The following GIGYF2 variants were observed in gnomAD, a reference collection of about 807,000 sequenced individuals.
GIGYF2 encodes GRB10 interacting GYF protein 2.
A neutral mutation model predicts 208.1 loss-of-function variants in GIGYF2; 25 were observed. The ratio of observed to expected loss-of-function variants is 0.12; its 90% CI spans 0.09 to 0.17. The LOEUF (loss-of-function observed/expected upper bound fraction) is 0.17, where lower values mean the gene tolerates loss of function less well. Ranked by LOEUF, GIGYF2 falls within the 10% of genes least tolerant of loss-of-function variation. The pLI, the probability that GIGYF2 is intolerant of heterozygous loss-of-function variation, is 1.00. For synonymous variants in GIGYF2, 534 were observed against 543.8 expected (o/e 0.98, Z 0.25); for missense variants, 1,302 against 1,579.4 (o/e 0.82, Z 2.98).
At chr2:232,757,120 T>G (rs997803304) in intron 6 of GIGYF2, among the ~76,000 whole-genome samples, 12 of 152,146 alleles carry the variant, frequency 7.9e-5, no homozygotes, top group Non-Finnish European at 1.6e-4. Context: ...CCACCAAGAT[T>G]GGCATGATCA....
At position 232,794,742 on chromosome 2, in the gene GIGYF2, C is replaced by G. The variant is rs1700173028; in HGVS notation, c.1283-6C>G. ...AAAGGATTTTCATCTGATTTTTTCC[C>G]CCTAGAAATGGTTGCTGATGTCCAG... On this transcript the variant is annotated splice_polypyrimidine_tract_variant and splice_region_variant and intron_variant, in intron 12 of 28. Transcript: ENST00000373563. 1 of 1,609,724 alleles carries G rather than the reference C, an allele frequency of 6.2e-7. No homozygotes were observed. Among genetic ancestry groups the G allele is most frequent in the East Asian group, 2.2e-5 (1 of 44,858 alleles).
At chr2:232,705,608 T>C (rs1401525070) in intron 2 of GIGYF2, 5 of 152,042 alleles carry the variant, frequency 3.3e-5, no homozygotes, top group Non-Finnish European at 5.9e-5. Flanking sequence ...TTTCTCCATG[T>C]TGGTCAGGCA....
At chr2:232,730,141 C>T (rs930312195) in intron 2 of GIGYF2, 200 of 1,501,470 alleles carry the variant, frequency 1.3e-4, no homozygotes, top group Non-Finnish European at 1.7e-4. Flanking sequence ...CTCTTGTCCG[C>T]CAGGTAATTG....
chr2:232,773,910 TAAAAAA>T (rs61323973), intron 8 of GIGYF2, among the ~76,000 whole-genome samples: 22 of 112,802 alleles, frequency 2.0e-4, no homozygotes, highest in South Asian at 5.9e-4. Context: ...TGTCTCTATT[TAAAAAA>T]AAAAAAAAAA....
chr2:232,744,731 C>T (rs1473020417), intron 3 of GIGYF2, among the ~76,000 whole-genome samples: 2 of 151,890 alleles, frequency 1.3e-5, no homozygotes, highest in East Asian at 3.9e-4. Flanking sequence ...GGGGTTTCAT[C>T]GTGTTGCCCA....
chr2:232,714,139 G>A (rs1037726454), intron 2 of GIGYF2, among the ~76,000 whole-genome samples: 6 of 151,966 alleles, frequency 3.9e-5, no homozygotes, highest in African/African-American at 9.7e-5. Flanking sequence ...TTTTAGTAGA[G>A]ACAGGGTTTC....
rs748325660 is a variant in GIGYF2 at position 232,809,754 on chromosome 2, A to G, written c.1841A>G (p.Gln614Arg). ...ELDQERLTRQ[Q>R]ELTALYQMQH... The stretch of plus-strand genomic sequence containing the variant: ...GACCAGGAACGACTGACCAGGCAGC[A>G]AGAACTCACAGCCTTATACCAGATG... Residue 614 changes from glutamine (Q) to arginine (R), a missense_variant, in exon 16 of 29, where the codon CAA becomes CGA. By Grantham distance (43) the Gln-to-Arg change is conservative. Coordinates refer to ENST00000373563, the MANE Select transcript of GIGYF2 (RefSeq NM_001103146.3). 88 of 1,611,814 alleles carry G rather than the reference A, an allele frequency of 5.5e-5. 1 individual carries two copies. The South Asian group carries it at 9.4e-4, about 17-fold the overall frequency.
At chr2:232,740,059 A>C (rs1041574460) in intron 3 of GIGYF2, among the ~76,000 whole-genome samples, 1 of 152,126 alleles carries the variant, frequency 6.6e-6, no homozygotes, top group Non-Finnish European at 1.5e-5. Flanking sequence ...TGGAGGTTGC[A>C]GTGAGCTGAG....
chr2:232,816,823 TC>T (rs1351724270), intron 19 of GIGYF2, 47 bp from the exon 20 acceptor site: 1 of 1,425,152 alleles, frequency 7.0e-7, no homozygotes, highest in Non-Finnish European at 9.9e-7. Context: ...TTCGGAGTGT[TC>T]CTGTGCTTGG....
chr2:232,795,152 T>G (rs1188313995), intron 13 of GIGYF2, among the ~76,000 whole-genome samples: 2 of 152,380 alleles, frequency 1.3e-5, no homozygotes, highest in African/African-American at 2.4e-5. Flanking sequence ...TATGTCAGGT[T>G]ATTTTTTGCT....
chr2:232,712,575 A>T (rs182488988), intron 2 of GIGYF2, among the ~76,000 whole-genome samples: 195 of 152,320 alleles, frequency 1.3e-3, no homozygotes, highest in African/African-American at 4.5e-3. Flanking sequence ...ATCACTGCAC[A>T]GTCTGTGCAA....
At chr2:232,816,697 T>C (rs1414307024) in intron 19 of GIGYF2, among the ~76,000 whole-genome samples, 174 bp from the exon 20 acceptor site, 1 of 152,218 alleles carries the variant, frequency 6.6e-6, no homozygotes, top group Non-Finnish European at 1.5e-5. Context: ...AGTATTAATA[T>C]TCCATTGTAT....
intron 8 of GIGYF2, among the ~76,000 whole-genome samples, chr2:232,786,721 G>A (rs987736228): frequency 1.3e-5 from 2 of 152,180 alleles, no homozygotes; most frequent in Non-Finnish European, 2.9e-5. Context: ...AGTGAAAACA[G>A]CAAACAAAAC....
chr2:232,822,468 G>A lies in GIGYF2; in HGVS notation c.2529+2483G>A, dbSNP rs904101330. Among the ~76,000 whole-genome samples, 3 of 152,226 alleles carry A rather than the reference G, an allele frequency of 2.0e-5. No individual in the cohort carries two copies. In the South Asian group the frequency reaches 6.2e-4, roughly 31 times the overall value. On this transcript the variant is annotated intron_variant, in intron 21 of 28. Coordinates refer to ENST00000373563, the MANE Select transcript of GIGYF2 (RefSeq NM_001103146.3). ...GAGGCCAAGGCGGGCAGATCACGAA[G>A]TCAGGAGTTCGAGACCAGCCTGGCC...
chr2:232,845,597 C>CT (rs1559166672), intron 25 of GIGYF2, 135 bp from the exon 26 acceptor site: 5 of 765,500 alleles, frequency 6.5e-6, no homozygotes, highest in Non-Finnish European at 1.1e-5. Context: ...GAATTTTTTT[C>CT]TTTTTTGGAG....
intron 17 of GIGYF2, 124 bp from the exon 18 acceptor site, chr2:232,812,267 A>G: frequency 1.6e-6 from 1 of 637,842 alleles, no homozygotes; most frequent in Non-Finnish European, 2.8e-6. Context: ...TTTTAGTAAA[A>G]GAGTGAAGGC....
intron 2 of GIGYF2, among the ~76,000 whole-genome samples, chr2:232,723,578 C>T (rs1322763797): frequency 1.3e-4 from 19 of 151,270 alleles, no homozygotes; most frequent in Non-Finnish European, 2.1e-4. Flanking sequence ...TACAGGTGCA[C>T]GCCACCATGC....
chr2:232,848,464 T>C (rs898244054), intron 27 of GIGYF2, among the ~76,000 whole-genome samples: 1 of 152,046 alleles, frequency 6.6e-6, no homozygotes, highest in Non-Finnish European at 1.5e-5. Context: ...TGAAATACCG[T>C]CTCTACGAAA....
chr2:232,843,418 C>T (rs935886155), intron 23 of GIGYF2, among the ~76,000 whole-genome samples: 2 of 151,438 alleles, frequency 1.3e-5, no homozygotes, highest in Non-Finnish European at 2.9e-5. Context: ...ATTAGCCAGG[C>T]GTGGTGTGGT....
Sources: allele counts gnomAD v4.1 joint callset (sites outside exome capture counted in the v4.1 genomes callset), GRCh38; gene constraint gnomAD v4.1.1; transcripts MANE v1.5; gene names NCBI Gene and HGNC (gene_info 2026-07-23, HGNC 2026-07-21).